The following CFAP92 variants were observed in gnomAD, a reference collection of about 807,000 sequenced individuals.
CFAP92 encodes the protein cilia and flagella associated protein 92 (putative), also known as uncharacterized protein CFAP92.
Under a neutral mutation model 106.3 loss-of-function variants are expected in CFAP92, and 86 were observed. The observed-to-expected ratio is 0.81, with a 90% CI of 0.68 to 0.97. CFAP92 has a LOEUF of 0.97. Ranked by LOEUF, CFAP92 falls within the 50% of genes least tolerant of loss-of-function variation. CFAP92 has a pLI of 0.00. For missense variants in CFAP92, 1,204 were observed against 1,283.8 expected (o/e 0.94, Z 0.95); for synonymous variants, 477 against 506.4 (o/e 0.94, Z 0.78).
chr3:128,946,058 GC>G, intron 9 of CFAP92, 83 bp from the exon 10 acceptor site: 1 of 1,037,700 alleles, frequency 9.6e-7, no homozygotes, highest in Non-Finnish European at 1.3e-6. Flanking sequence ...AAATCCCAGT[GC>G]CAGGCTCATT....
chr3:128,910,435 G>A (rs376705596), intron 15 of CFAP92, 102 bp from the exon 16 acceptor site: 18 of 1,219,622 alleles, frequency 1.5e-5, no homozygotes, highest in African/African-American at 4.6e-5. Context: ...GGAGGGAGGC[G>A]GGTGCAGTCT....
intron 13 of CFAP92, 68 bp downstream of exon 13, chr3:128,916,039 G>T: frequency 8.8e-7 from 1 of 1,133,088 alleles, no homozygotes; most frequent in Non-Finnish European, 1.1e-6. Flanking sequence ...TGACCTCCAG[G>T]CAGGCATGGT....
rs1051120059 is a variant in CFAP92 at position 129,001,867 on chromosome 3, G to A, written n.117+707C>T. The stretch of plus-strand genomic sequence containing the variant: ...GGCCGTCTGCCCCGCGCCGACTTCC[G>A]AGCGCTCTGCGCTGTGCTGGGGCTG... On this transcript the variant is annotated intron_variant and non_coding_transcript_variant, in intron 1 of 4. Transcript: ENST00000510149. 6 of 1,546,106 alleles carry A rather than the reference G, an allele frequency of 3.9e-6. No individual in the cohort carries two copies. Among genetic ancestry groups the A allele is most frequent in the African/African-American group, 2.8e-5 (2 of 72,460 alleles).
intron 9 of CFAP92, among the ~76,000 whole-genome samples, chr3:128,947,240 AAAG>A (rs1650765096): frequency 1.3e-5 from 2 of 152,212 alleles, no homozygotes; most frequent in Admixed American, 1.3e-4. Flanking sequence ...GAAAAAAAAA[AAAG>A]ATGTAAATAA....
At chr3:129,003,952 G>T, upstream of CFAP92, 1 of 1,420,562 alleles carries the variant, frequency 7.0e-7, no homozygotes, top group Non-Finnish European at 9.2e-7. Flanking sequence ...GGCGGCGCGC[G>T]GAGGAGGCCC....
At chr3:128,981,630 C>A (rs981245323) in intron 4 of CFAP92, among the ~76,000 whole-genome samples, 2 of 152,220 alleles carry the variant, frequency 1.3e-5, no homozygotes, top group Non-Finnish European at 2.9e-5. Context: ...CGCACCTGGA[C>A]TTCTAGAAGG....
intron 9 of CFAP92, among the ~76,000 whole-genome samples, chr3:128,953,603 C>CG (rs1941050421): frequency 8.4e-6 from 1 of 119,744 alleles, no homozygotes; most frequent in Non-Finnish European, 1.6e-5. Flanking sequence ...CTCCCTCCCC[C>CG]TCTCCCTCTC....
chr3:128,995,745 C>T (rs1944455778), upstream of CFAP92, among the ~76,000 whole-genome samples: 1 of 152,236 alleles, frequency 6.6e-6, no homozygotes, highest in African/African-American at 2.4e-5. Flanking sequence ...CCTGGATGTG[C>T]ACTGGAAACA....
chr3:129,002,174 C>A, intron 1 of CFAP92: 1 of 1,479,046 alleles, frequency 6.8e-7, no homozygotes, highest in Non-Finnish European at 8.9e-7. Context: ...CGCGCCGCCG[C>A]CGCCGCCCGC....
chr3:128,996,949 G>A (rs963379169), upstream of CFAP92, among the ~76,000 whole-genome samples: 2 of 152,218 alleles, frequency 1.3e-5, no homozygotes, highest in Non-Finnish European at 2.9e-5. Context: ...TCAGAGCAGG[G>A]ATCCCAGAGG....
intron 10 of CFAP92, among the ~76,000 whole-genome samples, chr3:128,939,438 TAG>T (rs1401458925): frequency 2.0e-5 from 3 of 152,156 alleles, no homozygotes; most frequent in African/African-American, 7.2e-5. Flanking sequence ...GTGCCCAGCC[TAG>T]AGTTATTTTT....
intron 2 of CFAP92, 54 bp from the exon 3 acceptor site, chr3:128,988,972 C>A (rs1944038193): frequency 2.2e-6 from 3 of 1,372,984 alleles, no homozygotes; most frequent in Admixed American, 3.9e-5. Context: ...GAAAAGCAGA[C>A]CCGTCTCCCC....
At chr3:128,941,333 T>C (rs1939603150) in intron 10 of CFAP92, among the ~76,000 whole-genome samples, 1 of 152,092 alleles carries the variant, frequency 6.6e-6, no homozygotes, top group African/African-American at 2.4e-5. Context: ...TTAAATATAT[T>C]GGCATAATTT....
At chr3:128,948,684 C>T (rs1940502102) in intron 9 of CFAP92, among the ~76,000 whole-genome samples, 1 of 151,664 alleles carries the variant, frequency 6.6e-6, no homozygotes, top group Non-Finnish European at 1.5e-5. Flanking sequence ...CACGCGCCAC[C>T]AGGCCTGGCT....
chr3:128,925,784 TAAAAAC>T (rs1937604039), intron 12 of CFAP92, among the ~76,000 whole-genome samples: 1 of 150,652 alleles, frequency 6.6e-6, no homozygotes, highest in African/African-American at 2.4e-5. Context: ...CCAAAGAAAA[TAAAAAC>T]AAAAAATTTA....
intron 11 of CFAP92, 40 bp from the exon 12 acceptor site, chr3:128,933,037 C>G (rs554758710): frequency 6.6e-7 from 1 of 1,522,694 alleles, no homozygotes; most frequent in Non-Finnish European, 8.8e-7. Context: ...CCTCTCCTAC[C>G]TTGCAAGACA....
chr3:128,994,224 C>T, upstream of CFAP92: 1 of 814,410 alleles, frequency 1.2e-6, no homozygotes, highest in Non-Finnish European at 1.5e-6. Flanking sequence ...CGCAGTTTGT[C>T]AAATGGCTAC....
intron 12 of CFAP92, among the ~76,000 whole-genome samples, chr3:128,922,212 G>A (rs1013004219): frequency 7.2e-5 from 11 of 152,048 alleles, no homozygotes; most frequent in East Asian, 5.8e-4. Flanking sequence ...GCATGGTGGC[G>A]GGCACCTGTA....
intron 12 of CFAP92, among the ~76,000 whole-genome samples, chr3:128,918,224 C>G (rs896371726): frequency 5.3e-5 from 8 of 152,200 alleles, no homozygotes; most frequent in Non-Finnish European, 1.2e-4. Context: ...AATCCCAGTA[C>G]TTTGGGAAGC....
Sources: allele counts gnomAD v4.1 joint callset (sites outside exome capture counted in the v4.1 genomes callset), GRCh38; gene constraint gnomAD v4.1.1; transcripts MANE v1.5; gene names NCBI Gene and HGNC (gene_info 2026-07-23, HGNC 2026-07-21).